MSI2: variants seen among roughly 807,000 people sequenced by gnomAD.
MSI2 encodes musashi RNA binding protein 2, also known as RNA-binding protein Musashi homolog 2.
Under a neutral mutation model 45.6 loss-of-function variants are expected in MSI2, and 17 were observed. The observed-to-expected ratio is 0.37, with a 90% confidence interval of 0.26 to 0.56. The LOEUF is 0.56. Among genes scored for constraint, MSI2 ranks in the 20% least tolerant of loss-of-function variants. The pLI, the probability that MSI2 is intolerant of heterozygous loss-of-function variation, is 0.77. For missense variants in MSI2, 293 were observed against 444.2 expected, an observed-to-expected ratio of 0.66 and a Z score of 3.06; for synonymous variants, 156 against 158.2, an observed-to-expected ratio of 0.99 and a Z score of 0.11.
At chr17:57,635,586 G>A (rs1567951542) in intron 10 of MSI2, among the ~76,000 whole-genome samples, 1 of 152,270 alleles carries the variant, frequency 6.6e-6, no homozygotes, top group Non-Finnish European at 1.5e-5. Flanking sequence ...AGGAGGCCAA[G>A]CTAACGTGTC....
At position 57,667,100 on chromosome 17, in the gene MSI2, C is replaced by T. The variant is rs1386665862; in HGVS notation, c.791-7872C>T. 2.0e-5 allele frequency among the ~76,000 whole-genome samples: 3 copies of T among 152,196 alleles called. No individual in the cohort carries two copies. The East Asian group carries it at 5.8e-4, about 29-fold the overall frequency. ...GGGCCACCTCTCTGCCTTTTCTCTG[C>T]TGAGTGGTGATGGTGGCATCTCGCC... On this transcript the variant is annotated intron_variant, in intron 11 of 13. Coordinates refer to ENST00000284073, the MANE Select transcript of MSI2 (RefSeq NM_138962.4).
chr17:57,342,878 A>G (rs1053038393), intron 5 of MSI2, among the ~76,000 whole-genome samples: 37 of 152,206 alleles, frequency 2.4e-4, no homozygotes, highest in Non-Finnish European at 4.3e-4. Context: ...TTGCCATTAT[A>G]AGTCTTACTT....
intron 5 of MSI2, among the ~76,000 whole-genome samples, chr17:57,346,179 G>T (rs1341468508): frequency 1.3e-5 from 2 of 152,010 alleles, no homozygotes; most frequent in African/African-American, 4.8e-5. Flanking sequence ...AAAACATTTT[G>T]TAAGAAAACT....
chr17:57,279,479 G>A (rs910663498), intron 5 of MSI2: 1 of 152,198 alleles, frequency 6.6e-6, no homozygotes. Context: ...AGGGCAGAGG[G>A]AAGATTGATT....
At chr17:57,441,750 G>T (rs554034404) in intron 6 of MSI2, among the ~76,000 whole-genome samples, 7 of 152,060 alleles carry the variant, frequency 4.6e-5, no homozygotes, top group African/African-American at 1.7e-4. Flanking sequence ...GCCTCATAAG[G>T]GACATTATGT....
chr17:57,522,285 G>A (rs957178041), intron 6 of MSI2: 3 of 152,222 alleles, frequency 2.0e-5, no homozygotes, highest in Admixed American at 6.5e-5. Context: ...CACTTGGAGC[G>A]TTTGAGTGGG....
Position 57,681,059 on chromosome 17 carries a change from AT to A in MSI2, c.*1551del, listed in dbSNP as rs980196249. 1.1e-4 allele frequency: 20 copies of A among 184,376 alleles called. No homozygotes were observed. Among genetic ancestry groups the A allele is most frequent in the Middle Eastern group, 2.0e-3 (1 of 490 alleles). 11.4% of individuals were successfully genotyped at this position (184,376 alleles called of 1,614,324 possible). ...GTATCACCAGAGAGGCTATGGAAGA[AT>A]TTTTTTTTAATTTATTGTAGATGTA... On this transcript the variant is annotated 3_prime_UTR_variant, in exon 14 of 14. Transcript: ENST00000284073.
chr17:57,298,734 A>G (rs1001129406), intron 5 of MSI2, among the ~76,000 whole-genome samples: 4 of 152,226 alleles, frequency 2.6e-5, no homozygotes, highest in African/African-American at 9.7e-5. Flanking sequence ...TAGATTTAGC[A>G]TAATTCTTAA....
In MSI2 at chr17:57,401,442, G is replaced by A. The variant is rs765500474; in HGVS notation, c.376G>A (p.Val126Ile). ...ATCTGCGAACACAGTAGTGGAAGATGTAAAGCAATATTTCGAGCAGTTTGG... is the reference window on the plus strand; with the variant it reads ...ATCTGCGAACACAGTAGTGGAAGATATAAAGCAATATTTCGAGCAGTTTGG... ...GLSANTVVEDVKQYFEQFGKV... is the reference protein window; with the variant it reads ...GLSANTVVEDIKQYFEQFGKV... Residue 126 changes from valine to isoleucine, a missense_variant, in exon 6 of 14, where the codon GTA becomes ATA. By Grantham distance (29) the Val-to-Ile change is conservative. Coordinates refer to ENST00000284073, the MANE Select transcript of MSI2 (RefSeq NM_138962.4). The A allele has an allele frequency of 1.9e-6, 3 of 1,614,206 alleles. No homozygotes were observed. The highest frequency in any genetic ancestry group is 2.2e-5 in the South Asian group (2 of 91,086).
intron 6 of MSI2, among the ~76,000 whole-genome samples, chr17:57,493,916 A>G (rs1289605049): frequency 2.6e-5 from 4 of 152,246 alleles, no homozygotes; most frequent in Admixed American, 2.0e-4. Context: ...TACAGATGAA[A>G]AAACTGGCCC....
chr17:57,319,806 G>T (rs185338043), intron 5 of MSI2, among the ~76,000 whole-genome samples: 5 of 152,176 alleles, frequency 3.3e-5, no homozygotes, highest in Admixed American at 3.3e-4. Flanking sequence ...TAGGGATAGG[G>T]TCTTCCCATG....
At chr17:57,562,008 C>T (rs977640335) in intron 7 of MSI2, among the ~76,000 whole-genome samples, 1 of 152,158 alleles carries the variant, frequency 6.6e-6, no homozygotes, top group Non-Finnish European at 1.5e-5. Flanking sequence ...TCTGATTTTC[C>T]TCATCTGTAA....
chr17:57,401,103 C>T (rs969246688), intron 5 of MSI2, among the ~76,000 whole-genome samples: 1 of 152,122 alleles, frequency 6.6e-6, no homozygotes, highest in Non-Finnish European at 1.5e-5. Context: ...TTTTGCTAGT[C>T]CATCAGAATG....
chr17:57,541,660 T>G (rs1328096890), intron 7 of MSI2, among the ~76,000 whole-genome samples: 1 of 152,180 alleles, frequency 6.6e-6, no homozygotes, highest in Non-Finnish European at 1.5e-5. Context: ...TCTTCAGTTG[T>G]AAGGACACCG....
At chr17:57,490,980 G>A (rs56169218) in intron 6 of MSI2, among the ~76,000 whole-genome samples, 46,287 of 152,082 alleles carry the variant, frequency 0.3, 8,488 homozygotes, top group Non-Finnish European at 0.42. Context: ...CAAGGGGCAC[G>A]CTGGCGGTTT....
chr17:57,368,758 C>A (rs2083377679), intron 5 of MSI2, among the ~76,000 whole-genome samples: 1 of 152,096 alleles, frequency 6.6e-6, no homozygotes, highest in Non-Finnish European at 1.5e-5. Context: ...CTAAGGTAGG[C>A]AGAGCTCTAG....
At chr17:57,351,140 T>C (rs1329551619) in intron 5 of MSI2, among the ~76,000 whole-genome samples, 2 of 152,058 alleles carry the variant, frequency 1.3e-5, no homozygotes, top group South Asian at 2.1e-4. Context: ...GTGTCTTCCA[T>C]TGGCCAAGCC....
intron 7 of MSI2, among the ~76,000 whole-genome samples, chr17:57,547,427 G>A (rs1183714563): frequency 2.6e-5 from 4 of 152,204 alleles, no homozygotes; most frequent in African/African-American, 9.7e-5. Flanking sequence ...AAGTGCAGTG[G>A]AGAGCTGATG....
intron 5 of MSI2, among the ~76,000 whole-genome samples, chr17:57,304,357 CAAAAAAAA>C (rs146857564): frequency 1.8e-5 from 1 of 55,112 alleles, no homozygotes; most frequent in South Asian, 6.1e-4. Context: ...ACTCTGTCTC[CAAAAAAAA>C]AAAAAAAGAA....
Sources: gnomAD v4.1 joint callset for allele counts (sites outside exome capture counted in the v4.1 genomes callset) on GRCh38, gnomAD v4.1.1 for gene constraint, MANE v1.5 for transcripts, NCBI Gene and HGNC (gene_info 2026-07-23, HGNC 2026-07-21) for gene names.